Variants in ZNF730 observed in about 807,000 individuals in gnomAD.
The protein encoded by ZNF730 is zinc finger protein 730.
Under a neutral mutation model 12.6 loss-of-function variants are expected in ZNF730, and 12 were observed. The observed-to-expected ratio is 0.95, with a 90% CI of 0.61 to 1.54. The LOEUF is 1.54. ZNF730 is among the 40% of genes most tolerant of loss of function. ZNF730 has a pLI of 0.00. For missense variants in ZNF730, 643 were observed against 583.5 expected (o/e 1.10, Z -1.05); for synonymous variants, 194 against 195.8 (o/e 0.99, Z 0.08).
At chr19:23,135,234 A>T (rs1970811403) in intron 2 of ZNF730, among the ~76,000 whole-genome samples, 1 of 110,792 alleles carries the variant, frequency 9.0e-6, no homozygotes, top group Non-Finnish European at 1.9e-5. Context: ...AAAAAAAAAA[A>T]AAAAAAAAAA....
intron 1 of ZNF730, among the ~76,000 whole-genome samples, chr19:23,085,767 T>G (rs1169174843): frequency 1.3e-5 from 2 of 150,482 alleles, no homozygotes; most frequent in Non-Finnish European, 3.0e-5. Flanking sequence ...CCACCCGCCT[T>G]TGTCTCCAAA....
chr19:23,079,415 C>G (rs1207076257), intron 1 of ZNF730, among the ~76,000 whole-genome samples: 1 of 152,144 alleles, frequency 6.6e-6, no homozygotes, highest in Non-Finnish European at 1.5e-5. Context: ...GCCTTGGCCT[C>G]CCAGAGTGCT....
intron 1 of ZNF730, among the ~76,000 whole-genome samples, chr19:23,119,355 A>G (rs1350319858): frequency 1.3e-5 from 2 of 152,226 alleles, no homozygotes; most frequent in African/African-American, 4.8e-5. Flanking sequence ...TGTATGTTGA[A>G]CAAACCTTGC....
intron 1 of ZNF730, among the ~76,000 whole-genome samples, chr19:23,098,146 GAAA>G (rs886591031): frequency 1.2e-4 from 16 of 132,122 alleles, no homozygotes; most frequent in African/African-American, 3.3e-4. Flanking sequence ...TCTGTCTCAA[GAAA>G]AAAAAAAAAA....
upstream of ZNF730, chr19:23,116,925 GCGGGGCCTT>G: frequency 7.7e-5 from 7 of 91,386 alleles, no homozygotes; most frequent in Non-Finnish European, 1.2e-4. Flanking sequence ...GCCTGAGGGG[GCGGGGCCTT>G]AAACGTTATC....
chr19:23,111,865 T>C (rs949880826), intron 1 of ZNF730, among the ~76,000 whole-genome samples: 1 of 66,368 alleles, frequency 1.5e-5, no homozygotes, highest in African/African-American at 5.7e-5. Context: ...AAAAATATGT[T>C]GGCCATTTAA....
intron 1 of ZNF730, among the ~76,000 whole-genome samples, chr19:23,131,281 AT>A (rs1970739857): frequency 6.6e-6 from 1 of 152,224 alleles, no homozygotes; most frequent in South Asian, 2.1e-4. Flanking sequence ...ACAGAAAAAA[AT>A]ATGGATCATT....
chr19:23,076,747 T>G (rs182953825), intron 1 of ZNF730, among the ~76,000 whole-genome samples: 4 of 152,300 alleles, frequency 2.6e-5, no homozygotes, highest in Non-Finnish European at 5.9e-5. Context: ...GGTGGGAGTT[T>G]AAATCAGTTC....
At chr19:23,131,156 A>T (rs1204062394) in intron 1 of ZNF730, among the ~76,000 whole-genome samples, 1 of 152,386 alleles carries the variant, frequency 6.6e-6, no homozygotes, top group East Asian at 1.9e-4. Flanking sequence ...AAGTAAATAT[A>T]AAAACAATAA....
chr19:23,123,660 A>ACATGCT (rs1568312217), intron 1 of ZNF730: 1 of 148,322 alleles, frequency 6.7e-6, no homozygotes, highest in Non-Finnish European at 1.5e-5. Context: ...TCTCATGCTG[A>ACATGCT]GAGTAGCCAT....
chr19:23,080,304 A>G (rs542236695), intron 1 of ZNF730, among the ~76,000 whole-genome samples: 1 of 152,168 alleles, frequency 6.6e-6, no homozygotes, highest in African/African-American at 2.4e-5. Context: ...ATGTACAAAT[A>G]TCTGTTCCAT....
rs1459782167 is a variant in ZNF730, at chr19:23,107,078, T to TG, written c.-93-27002_-93-27001insG. 1.3e-4 allele frequency among the ~76,000 whole-genome samples: 19 copies of TG among 151,294 alleles called. No individual in the cohort carries two copies. The East Asian group carries it at 2.1e-3, about 17-fold the overall frequency. On this transcript the variant is annotated intron_variant, in intron 1 of 2. Transcript: ENST00000593635. ...CCGGAGTTGCGCATGTTTTTGTTTTTTTTTTTTTGAGACAGTCATTGTCAC... is the reference window on the plus strand; with the variant it reads ...CCGGAGTTGCGCATGTTTTTGTTTTTGTTTTTTTTGAGACAGTCATTGTCAC...
intron 3 of ZNF730, among the ~76,000 whole-genome samples, chr19:23,144,848 T>C (rs988470857): frequency 6.6e-6 from 1 of 152,132 alleles, no homozygotes; most frequent in Admixed American, 6.5e-5. Context: ...TTCAGAACTT[T>C]TTGTCATAAG....
chr19:23,084,903 G>A (rs1227561644), intron 1 of ZNF730, among the ~76,000 whole-genome samples: 2 of 152,146 alleles, frequency 1.3e-5, no homozygotes, highest in East Asian at 3.8e-4. Flanking sequence ...TTGCTATGGT[G>A]AATAGTGCTG....
chr19:23,100,203 G>A (rs190686648), intron 1 of ZNF730: 1 of 152,190 alleles, frequency 6.6e-6, no homozygotes, highest in East Asian at 1.9e-4. Context: ...TGCCCTCAGG[G>A]AAGATTGTGA....
At chr19:23,107,567 A>G (rs1358521232) in intron 1 of ZNF730, among the ~76,000 whole-genome samples, 2 of 150,452 alleles carry the variant, frequency 1.3e-5, no homozygotes, top group Admixed American at 1.3e-4. Context: ...GAGCTCAAGC[A>G]GTTTGTCCCT....
intron 1 of ZNF730, among the ~76,000 whole-genome samples, chr19:23,105,667 C>T (rs1292291477): frequency 6.6e-6 from 1 of 152,136 alleles, no homozygotes; most frequent in African/African-American, 2.4e-5. Context: ...ATACATTTAT[C>T]ATATTACCAG....
intron 1 of ZNF730, among the ~76,000 whole-genome samples, chr19:23,089,809 G>A (rs1020721276): frequency 6.6e-6 from 1 of 152,190 alleles, no homozygotes; most frequent in African/African-American, 2.4e-5. Flanking sequence ...ATGTGGAAGC[G>A]ATTTTGGAAC....
intron 1 of ZNF730, among the ~76,000 whole-genome samples, chr19:23,092,411 A>G (rs1053340991): frequency 7.3e-5 from 11 of 151,208 alleles, no homozygotes; most frequent in African/African-American, 2.2e-4. Context: ...CCTGATGAAC[A>G]TGGAGAAGCC....
Sources: allele counts gnomAD v4.1 joint callset (sites outside exome capture counted in the v4.1 genomes callset), GRCh38; gene constraint gnomAD v4.1.1; transcripts MANE v1.5; gene names NCBI Gene and HGNC (gene_info 2026-07-23, HGNC 2026-07-21).